The following C4orf51 variants were observed in gnomAD, a reference collection of about 807,000 sequenced individuals.
C4orf51 encodes the protein chromosome 4 open reading frame 51.
Under a neutral mutation model 25.2 loss-of-function variants are expected in C4orf51, and 25 were observed. The ratio of observed to expected loss-of-function variants is 0.99; its 90% CI spans 0.72 to 1.39. The LOEUF (loss-of-function observed/expected upper bound fraction) is 1.39. C4orf51 is among the 40% of genes most tolerant of loss of function. The pLI is 0.00. For missense variants in C4orf51, 252 were observed against 239.6 expected (o/e 1.05, Z -0.34); for synonymous variants, 100 against 84.5 (o/e 1.18, Z -1.01).
chr4:145,705,710 T>C (rs991254617), intron 2 of C4orf51, among the ~76,000 whole-genome samples: 6 of 152,132 alleles, frequency 3.9e-5, no homozygotes, highest in Admixed American at 3.9e-4. Flanking sequence ...CTAGGGGTCC[T>C]TTGTAGATGG....
rs1159659952 is a variant in C4orf51 at position 145,765,548 on chromosome 4, T to C, written n.167-5440T>C. On this transcript the variant is annotated intron_variant and non_coding_transcript_variant, in intron 1 of 1. Transcript: ENST00000510096. This position sits in a 1 kb window ranked among gnomAD's most constrained non-coding sequence, Gnocchi z 4.7. ...GGCTCACACCCACCTCCTCCTTACC[T>C]TTCTCTGGCTTTTCCTCACTGTTCA... 7.4e-6 allele frequency: 12 copies of C among 1,610,846 alleles called. No individual in the cohort carries two copies. The highest frequency in any genetic ancestry group is 1.0e-5 in the Non-Finnish European group (12 of 1,178,230).
At chr4:145,690,068 G>A (rs1263661386) in intron 1 of C4orf51, among the ~76,000 whole-genome samples, 7 of 151,780 alleles carry the variant, frequency 4.6e-5, no homozygotes, top group African/African-American at 1.5e-4. Context: ...TTGGCTGGGC[G>A]TGGTAACAGG....
At chr4:145,732,009 A>G (rs1326961426) in intron 5 of C4orf51, among the ~76,000 whole-genome samples, 1 of 152,252 alleles carries the variant, frequency 6.6e-6, no homozygotes, top group Admixed American at 6.5e-5. Context: ...TTCAACGATC[A>G]TTAACACTAT....
intron 1 of C4orf51, among the ~76,000 whole-genome samples, chr4:145,687,012 G>A (rs1367794617): frequency 1.5e-5 from 1 of 65,068 alleles, no homozygotes; most frequent in Non-Finnish European, 3.0e-5. Context: ...TGGGGGGGGC[G>A]GTTTCCTTCT....
chr4:145,752,890 T>C (rs1579038899), intron 1 of C4orf51, among the ~76,000 whole-genome samples: 1 of 151,254 alleles, frequency 6.6e-6, no homozygotes, highest in African/African-American at 2.5e-5. Context: ...TCTGTTGAGT[T>C]CAGCCTAGTT....
At chr4:145,764,374 G>T (rs1006779868) in intron 1 of C4orf51, among the ~76,000 whole-genome samples, 1 of 152,180 alleles carries the variant, frequency 6.6e-6, no homozygotes, top group Non-Finnish European at 1.5e-5. Context: ...CAGTACGTTT[G>T]ATATTAGTTG....
intron 1 of C4orf51, among the ~76,000 whole-genome samples, chr4:145,748,165 T>C (rs1020012227): frequency 3.3e-5 from 5 of 152,146 alleles, no homozygotes; most frequent in Non-Finnish European, 7.4e-5. Context: ...GATTTTCCAA[T>C]TTACGGGTAT....
At chr4:145,741,299 C>T (rs534940683) in intron 1 of C4orf51, among the ~76,000 whole-genome samples, 1 of 152,284 alleles carries the variant, frequency 6.6e-6, no homozygotes, top group Non-Finnish European at 1.5e-5. Context: ...CTTGCCACAG[C>T]AGAGGGGTGA....
downstream of C4orf51, among the ~76,000 whole-genome samples, chr4:145,755,237 T>C (rs1217579465): frequency 6.6e-6 from 1 of 152,228 alleles, no homozygotes; most frequent in South Asian, 2.1e-4. Context: ...CTTAACGGTA[T>C]GTCTTAATCA....
At chr4:145,780,971 G>A in the C4orf51 span, among the ~76,000 whole-genome samples, 3 of 152,078 alleles carry the variant, frequency 2.0e-5, no homozygotes, top group East Asian at 5.8e-4. Flanking sequence ...CCGAGGCAGG[G>A]GGATCACAAG....
At chr4:145,775,736 T>C (rs1736964463), downstream of C4orf51, 2 of 1,604,736 alleles carry the variant, frequency 1.2e-6, no homozygotes, top group Admixed American at 1.7e-5. Context: ...GTAGGAAGTG[T>C]TGAAGTCAAG....
chr4:145,688,033 A>C (rs1320146062), intron 1 of C4orf51, among the ~76,000 whole-genome samples: 1 of 145,246 alleles, frequency 6.9e-6, no homozygotes, highest in Non-Finnish European at 1.5e-5. Flanking sequence ...GTGAGACTTC[A>C]TCTCTGCAAA....
chr4:145,724,542 CCT>C (rs1285590908), intron 2 of C4orf51, among the ~76,000 whole-genome samples: 1 of 152,106 alleles, frequency 6.6e-6, no homozygotes, highest in Non-Finnish European at 1.5e-5. Context: ...AGCAGTTTCC[CCT>C]GATTTTTAAT....
chr4:145,776,894 G>A, the C4orf51 span, among the ~76,000 whole-genome samples: 6 of 152,144 alleles, frequency 3.9e-5, no homozygotes, highest in Non-Finnish European at 7.3e-5. Context: ...TTTCAGGATC[G>A]TTTCCAGAGT....
chr4:145,786,961 C>G, the C4orf51 span, among the ~76,000 whole-genome samples: 1 of 152,110 alleles, frequency 6.6e-6, no homozygotes, highest in Non-Finnish European at 1.5e-5. Context: ...GTGACCTGTC[C>G]CATCATTTCA....
the C4orf51 span, among the ~76,000 whole-genome samples, chr4:145,781,051 C>G: frequency 1.3e-5 from 2 of 151,848 alleles, no homozygotes; most frequent in African/African-American, 4.8e-5. Flanking sequence ...AAAAATTTAG[C>G]CGGGCGTGGT....
intron 3 of C4orf51, among the ~76,000 whole-genome samples, chr4:145,728,788 ATCCATTT>A (rs1476430885): frequency 6.6e-6 from 1 of 152,078 alleles, no homozygotes; most frequent in East Asian, 1.9e-4. Flanking sequence ...TATTTCCTTT[ATCCATTT>A]TCCTACTAGG....
the C4orf51 span, among the ~76,000 whole-genome samples, chr4:145,787,377 C>T: frequency 2.7e-5 from 4 of 150,338 alleles, no homozygotes; most frequent in African/African-American, 7.4e-5. Flanking sequence ...GCAGGAGAAT[C>T]GCTTGAACCC....
intron 2 of C4orf51, among the ~76,000 whole-genome samples, chr4:145,714,249 C>T (rs534727030): frequency 4.6e-5 from 7 of 152,244 alleles, no homozygotes; most frequent in African/African-American, 7.2e-5. Flanking sequence ...CTCTAAAGTA[C>T]GCTTGTAAAC....
Sources: gnomAD v4.1 joint callset for allele counts (sites outside exome capture counted in the v4.1 genomes callset) on GRCh38, gnomAD v4.1.1 for gene constraint, Gnocchi (gnomAD v3.1) non-coding constraint, MANE v1.5 for transcripts, NCBI Gene and HGNC (gene_info 2026-07-23, HGNC 2026-07-21) for gene names.